Variants in FAM227B observed in about 807,000 individuals in gnomAD.
FAM227B encodes the protein protein FAM227B.
FAM227B carries 88 observed loss-of-function variants against 73.8 expected under a neutral mutation model. That is an observed-to-expected ratio of 1.19 (90% confidence interval 1.00 to 1.42). The LOEUF is 1.42. Ranked by LOEUF, FAM227B falls within the 40% of genes most tolerant of loss-of-function variation. FAM227B has a pLI of 0.00. For synonymous variants in FAM227B, 210 were observed against 190.5 expected (o/e 1.10, Z -0.84); for missense variants, 632 against 590.9 (o/e 1.07, Z -0.72).
chr15:49,583,069 C>T (rs2075913560), intron 5 of FAM227B, among the ~76,000 whole-genome samples: 1 of 151,776 alleles, frequency 6.6e-6, no homozygotes, highest in Admixed American at 6.6e-5. Context: ...CTAAAAGAAC[C>T]AGGGAATCAA....
chr15:49,601,082 C>T (rs566804143), intron 3 of FAM227B, among the ~76,000 whole-genome samples: 2 of 149,638 alleles, frequency 1.3e-5, no homozygotes, highest in Admixed American at 1.3e-4. Context: ...ACTTTGTTCA[C>T]TGTTTTCTGA....
Position 49,602,028 on chromosome 15 carries a change from T to C in FAM227B, c.105+9187A>G, listed in dbSNP as rs887945290. ...CATGTGTAAAGGTACCACATTCTCT[T>C]TATACATTCATCAGCTCATGGACAC... On this transcript the variant is annotated intron_variant, in intron 3 of 15. Coordinates refer to ENST00000299338, the MANE Select transcript of FAM227B (RefSeq NM_152647.3). Among the ~76,000 whole-genome samples the C allele has an allele frequency of 3.9e-5, 6 of 152,208 alleles. No homozygotes were observed. The South Asian group carries it at 6.2e-4, about 16-fold the overall frequency.
intron 9 of FAM227B, among the ~76,000 whole-genome samples, chr15:49,547,533 C>T (rs1432464126): frequency 6.6e-6 from 1 of 152,014 alleles, no homozygotes; most frequent in Non-Finnish European, 1.5e-5. Flanking sequence ...TTCAGGAAAC[C>T]CATCTCAAGT....
chr15:49,502,372 C>G (rs1020021952), intron 11 of FAM227B, among the ~76,000 whole-genome samples: 2 of 152,234 alleles, frequency 1.3e-5, no homozygotes, highest in African/African-American at 4.8e-5. Context: ...CTGCCCAAGG[C>G]CTTTGGTGCC....
At chr15:49,465,304 CT>C (rs67362920) in intron 11 of FAM227B, among the ~76,000 whole-genome samples, 150 of 140,504 alleles carry the variant, frequency 1.1e-3, no homozygotes, top group Non-Finnish European at 1.0e-3. Flanking sequence ...TTTTCTTTTT[CT>C]TTTTTTTTTT....
intron 11 of FAM227B, among the ~76,000 whole-genome samples, chr15:49,431,549 A>C (rs1422426782): frequency 3.3e-5 from 5 of 151,742 alleles, no homozygotes; most frequent in African/African-American, 1.2e-4. Flanking sequence ...AATTTGATGT[A>C]TACTGGGGAG....
At chr15:49,404,694 A>G (rs1286813391) in intron 11 of FAM227B, among the ~76,000 whole-genome samples, 1 of 151,894 alleles carries the variant, frequency 6.6e-6, no homozygotes, top group Non-Finnish European at 1.5e-5. Flanking sequence ...CAGTATACCA[A>G]TGGGTCTTGG....
chr15:49,555,054 T>C (rs1028266424), intron 9 of FAM227B, among the ~76,000 whole-genome samples: 6 of 152,232 alleles, frequency 3.9e-5, no homozygotes, highest in African/African-American at 1.2e-4. Context: ...TCCCTTTTAA[T>C]TGAGGCATTT....
intron 8 of FAM227B, among the ~76,000 whole-genome samples, chr15:49,573,027 T>A (rs183096534): frequency 3.9e-4 from 59 of 151,710 alleles, no homozygotes; most frequent in African/African-American, 1.4e-3. Context: ...GAAGCTGAAC[T>A]TTCTCTTTCT....
chr15:49,477,886 T>C (rs2055500344), intron 11 of FAM227B, among the ~76,000 whole-genome samples: 3 of 152,202 alleles, frequency 2.0e-5, no homozygotes, highest in Non-Finnish European at 2.9e-5. Flanking sequence ...TGTACAGAGG[T>C]ATCTCATTGT....
At chr15:49,372,440 G>A (rs2045908329) in intron 11 of FAM227B, among the ~76,000 whole-genome samples, 1 of 152,110 alleles carries the variant, frequency 6.6e-6, no homozygotes, top group African/African-American at 2.4e-5. Context: ...GACATAAATT[G>A]GGTCTTTTGC....
chr15:49,390,745 G>A (rs979609487), intron 11 of FAM227B, among the ~76,000 whole-genome samples: 2 of 151,870 alleles, frequency 1.3e-5, no homozygotes, highest in Admixed American at 6.6e-5. Context: ...TAAACCTTAT[G>A]TGAAAAAATG....
chr15:49,509,345 A>G (rs1476709312), intron 10 of FAM227B, among the ~76,000 whole-genome samples: 1 of 152,174 alleles, frequency 6.6e-6, no homozygotes, highest in Non-Finnish European at 1.5e-5. Context: ...CCCAGATGTC[A>G]AAGTATCAGA....
intron 11 of FAM227B, among the ~76,000 whole-genome samples, chr15:49,480,518 G>GTTGCC (rs1175605258): frequency 8.2e-6 from 1 of 122,146 alleles, no homozygotes; most frequent in African/African-American, 3.2e-5. Context: ...GTCTCACTCT[G>GTTGCC]TTGCCTAGGC....
intron 11 of FAM227B, among the ~76,000 whole-genome samples, chr15:49,405,819 C>A (rs1433029293): frequency 6.6e-6 from 1 of 152,196 alleles, no homozygotes; most frequent in Non-Finnish European, 1.5e-5. Context: ...GCAAAGAAGG[C>A]ACTCTGGCTT....
At chr15:49,469,582 G>A (rs947514874) in intron 11 of FAM227B, among the ~76,000 whole-genome samples, 1 of 151,978 alleles carries the variant, frequency 6.6e-6, no homozygotes, top group Non-Finnish European at 1.5e-5. Context: ...ATTATTAGGT[G>A]TTGCTTCAAT....
chr15:49,335,273 T>TA (rs1370206514), intron 14 of FAM227B, 146 bp downstream of exon 14: 2 of 586,336 alleles, frequency 3.4e-6, no homozygotes, highest in African/African-American at 3.7e-5. Context: ...CCTTGACACT[T>TA]ACCTGAAAAG....
intron 10 of FAM227B, among the ~76,000 whole-genome samples, chr15:49,512,851 G>T (rs2059110959): frequency 6.6e-6 from 1 of 152,130 alleles, no homozygotes; most frequent in South Asian, 2.1e-4. Context: ...AACATGAGTT[G>T]CTTGGTTTTC....
intron 9 of FAM227B, among the ~76,000 whole-genome samples, chr15:49,545,007 T>C (rs1308721061): frequency 6.6e-6 from 1 of 152,184 alleles, no homozygotes; most frequent in Admixed American, 6.5e-5. Context: ...ATTAGGGTGA[T>C]CCTGGCTTCA....
Sources: gnomAD v4.1 joint callset for allele counts (sites outside exome capture counted in the v4.1 genomes callset) on GRCh38, gnomAD v4.1.1 for gene constraint, MANE v1.5 for transcripts, NCBI Gene and HGNC (gene_info 2026-07-23, HGNC 2026-07-21) for gene names.